Variants in RPSA2 observed in about 807,000 individuals in gnomAD.
RPSA2 encodes ribosomal protein SA 2, also known as small ribosomal subunit protein uS2B.
the RPSA2 span, among the ~76,000 whole-genome samples, chr19:23,836,701 C>T: frequency 9.9e-5 from 15 of 152,182 alleles, no homozygotes; most frequent in African/African-American, 2.6e-4. Flanking sequence ...CTTTTGATTA[C>T]GGCCATTCCT....
At chr19:23,775,522 A>G in the RPSA2 span, among the ~76,000 whole-genome samples, 1 of 152,314 alleles carries the variant, frequency 6.6e-6, no homozygotes, top group South Asian at 2.1e-4. Flanking sequence ...TGGTACAGAG[A>G]GTGTTCTAAC....
the RPSA2 span, among the ~76,000 whole-genome samples, chr19:23,854,980 A>G: frequency 6.6e-6 from 1 of 152,220 alleles, no homozygotes; most frequent in Non-Finnish European, 1.5e-5. Context: ...CGTGCTCATC[A>G]GAGACAGATT....
the RPSA2 span, among the ~76,000 whole-genome samples, chr19:23,862,583 A>T: frequency 6.6e-6 from 1 of 152,138 alleles, no homozygotes; most frequent in African/African-American, 2.4e-5. Context: ...TGTTTTTAGC[A>T]TGAAGGGTTG....
At chr19:23,863,074 C>G in the RPSA2 span, among the ~76,000 whole-genome samples, 1 of 152,070 alleles carries the variant, frequency 6.6e-6, no homozygotes, top group African/African-American at 2.4e-5. Context: ...GATCTTAAGA[C>G]TTCTGCTTCT....
the RPSA2 span, among the ~76,000 whole-genome samples, chr19:23,768,254 C>T: frequency 6.6e-6 from 1 of 151,834 alleles, no homozygotes; most frequent in Admixed American, 6.6e-5. Flanking sequence ...AGAATGCTAC[C>T]AGAGAAGAGA....
the RPSA2 span, among the ~76,000 whole-genome samples, chr19:23,834,801 G>A: frequency 2.6e-5 from 4 of 151,874 alleles, no homozygotes; most frequent in Non-Finnish European, 5.9e-5. Context: ...ACATTATTTG[G>A]TAAGATAATG....
the RPSA2 span, chr19:23,832,002 G>T: frequency 7.3e-6 from 3 of 408,872 alleles, no homozygotes; most frequent in Admixed American, 2.9e-5. Context: ...CCTTTAATTG[G>T]TCCTCAATCC....
the RPSA2 span, among the ~76,000 whole-genome samples, chr19:23,809,884 T>C: frequency 6.6e-6 from 1 of 152,322 alleles, no homozygotes; most frequent in East Asian, 1.9e-4. Context: ...GCATTGACAA[T>C]AAGAAACAAT....
At chr19:23,851,480 C>CT in the RPSA2 span, among the ~76,000 whole-genome samples, 2 of 152,166 alleles carry the variant, frequency 1.3e-5, no homozygotes, top group African/African-American at 4.8e-5. Flanking sequence ...GAAAGGGTGT[C>CT]TACATTGGTG....
the RPSA2 span, among the ~76,000 whole-genome samples, chr19:23,855,418 G>C: frequency 6.6e-6 from 1 of 152,180 alleles, no homozygotes; most frequent in African/African-American, 2.4e-5. Flanking sequence ...AAGCATCCTT[G>C]AATTCTTTTA....
chr19:23,820,083 C>G, the RPSA2 span, among the ~76,000 whole-genome samples: 2 of 152,210 alleles, frequency 1.3e-5, no homozygotes, highest in South Asian at 4.1e-4. Context: ...CAAGTACTAA[C>G]ATGTTTCAAT....
At chr19:23,820,170 G>A in the RPSA2 span, among the ~76,000 whole-genome samples, 2 of 152,154 alleles carry the variant, frequency 1.3e-5, no homozygotes, top group Non-Finnish European at 2.9e-5. Flanking sequence ...CAGGGTCCTG[G>A]TGGGCCCCTG....
chr19:23,798,743 T>C, the RPSA2 span, among the ~76,000 whole-genome samples: 3 of 152,302 alleles, frequency 2.0e-5, no homozygotes, highest in South Asian at 4.1e-4. Context: ...ATTTAACCAA[T>C]AGAGATAATT....
the RPSA2 span, among the ~76,000 whole-genome samples, chr19:23,852,628 G>T: frequency 1.3e-5 from 2 of 152,188 alleles, no homozygotes; most frequent in African/African-American, 4.8e-5. Context: ...TTTCCGCCTG[G>T]GTGGGCCAGG....
the RPSA2 span, among the ~76,000 whole-genome samples, chr19:23,778,931 C>A: frequency 6.6e-6 from 1 of 150,988 alleles, no homozygotes; most frequent in Admixed American, 6.6e-5. Context: ...ATTTCTGAGC[C>A]CCTCATTTAG....
the RPSA2 span, among the ~76,000 whole-genome samples, chr19:23,825,714 G>A: frequency 1.4e-3 from 217 of 152,104 alleles, no homozygotes; most frequent in African/African-American, 5.1e-3. Context: ...AGCCTCCTAT[G>A]TAGCTGAGAT....
At chr19:23,844,952 G>A in the RPSA2 span, among the ~76,000 whole-genome samples, 144,465 of 147,720 alleles carry the variant, frequency 0.98, 70,733 homozygotes, top group Middle Eastern at 1. Flanking sequence ...CTCATTATTG[G>A]TTTGTTCAGG....
chr19:23,771,444 TTA>T, the RPSA2 span, among the ~76,000 whole-genome samples: 1 of 152,294 alleles, frequency 6.6e-6, no homozygotes, highest in Non-Finnish European at 1.5e-5. Context: ...ACAGAGGGTA[TTA>T]TGTCTCATAC....
the RPSA2 span, among the ~76,000 whole-genome samples, chr19:23,792,591 G>T: frequency 1.8e-4 from 26 of 144,266 alleles, no homozygotes; most frequent in South Asian, 1.1e-3. Flanking sequence ...TTTTGTTTTT[G>T]TTTTTTTTTT....
Sources: gnomAD v4.1 joint callset for allele counts (sites outside exome capture counted in the v4.1 genomes callset) on GRCh38, gnomAD v4.1.1 for gene constraint, MANE v1.5 for transcripts, NCBI Gene and HGNC (gene_info 2026-07-23, HGNC 2026-07-21) for gene names.